The following PPARGC1A variants were observed in gnomAD, a reference collection of about 807,000 sequenced individuals.
PPARGC1A encodes the protein peroxisome proliferator-activated receptor gamma coactivator 1-alpha.
A neutral mutation model predicts 88.7 loss-of-function variants in PPARGC1A; 25 were observed. The ratio of observed to expected loss-of-function variants is 0.28; its 90% confidence interval spans 0.21 to 0.39. The LOEUF (loss-of-function observed/expected upper bound fraction) is 0.39, where lower values mean the gene tolerates loss of function less well. Ranked by LOEUF, PPARGC1A falls within the 10% of genes least tolerant of loss-of-function variation. PPARGC1A has a pLI of 1.00. For synonymous variants in PPARGC1A, 363 were observed against 355.6 expected (o/e 1.02, Z -0.24); for missense variants, 880 against 968.7 (o/e 0.91, Z 1.22).
At chr4:23,896,771 T>C (rs1269139624) in intron 1 of PPARGC1A, among the ~76,000 whole-genome samples, 1 of 152,146 alleles carries the variant, frequency 6.6e-6, no homozygotes, top group Non-Finnish European at 1.5e-5. Flanking sequence ...ATGGTATAAA[T>C]AAATAGGTAA....
chr4:24,196,909 C>T, the PPARGC1A span, among the ~76,000 whole-genome samples: 2 of 152,154 alleles, frequency 1.3e-5, no homozygotes, highest in African/African-American at 4.8e-5. Context: ...TCATTAATTG[C>T]TATAAATAGA....
the PPARGC1A span, among the ~76,000 whole-genome samples, chr4:23,923,895 T>C: frequency 6.6e-6 from 1 of 152,208 alleles, no homozygotes; most frequent in African/African-American, 2.4e-5. Context: ...AGCTATGTCA[T>C]TTTCCTTGAG....
At chr4:24,319,049 A>C in the PPARGC1A span, among the ~76,000 whole-genome samples, 1 of 152,198 alleles carries the variant, frequency 6.6e-6, no homozygotes, top group Non-Finnish European at 1.5e-5. Flanking sequence ...AGAAGAGATA[A>C]AAAATAAAGA....
At chr4:24,064,635 C>T in the PPARGC1A span, among the ~76,000 whole-genome samples, 1 of 152,050 alleles carries the variant, frequency 6.6e-6, no homozygotes, top group African/African-American at 2.4e-5. Context: ...ATTCTCCTCC[C>T]CCAGAAACCC....
At chr4:23,826,238 C>T (rs1003150320) in intron 5 of PPARGC1A, among the ~76,000 whole-genome samples, 5 of 152,082 alleles carry the variant, frequency 3.3e-5, no homozygotes, top group African/African-American at 9.7e-5. Flanking sequence ...ATACAGAATC[C>T]GATCCCTGAA....
intron 2 of PPARGC1A, among the ~76,000 whole-genome samples, chr4:23,849,746 T>C (rs1274682334): frequency 2.0e-5 from 3 of 152,144 alleles, no homozygotes; most frequent in Admixed American, 6.5e-5. Context: ...TTGAAGGTCA[T>C]AGTCTTGTTT....
At chr4:24,154,027 A>C in the PPARGC1A span, among the ~76,000 whole-genome samples, 2 of 152,238 alleles carry the variant, frequency 1.3e-5, no homozygotes, top group Non-Finnish European at 2.9e-5. Context: ...GACCATGGGC[A>C]AAGAAAAGGA....
the PPARGC1A span, among the ~76,000 whole-genome samples, chr4:24,376,864 G>T: frequency 6.6e-6 from 1 of 152,110 alleles, no homozygotes; most frequent in African/African-American, 2.4e-5. Flanking sequence ...CCCTTTCAAG[G>T]AAAATGACTA....
At chr4:23,895,970 GTGTGTGTGTGTATATATA>G (rs1040725979) in intron 1 of PPARGC1A, among the ~76,000 whole-genome samples, 4 of 48,846 alleles carry the variant, frequency 8.2e-5, no homozygotes, top group African/African-American at 4.4e-4. Flanking sequence ...GTGTGTGTGT[GTGTGTGTGTGTATATATA>G]TATACACACA....
chr4:24,216,332 G>GAGAC, the PPARGC1A span, among the ~76,000 whole-genome samples: 2 of 151,872 alleles, frequency 1.3e-5, no homozygotes, highest in Non-Finnish European at 2.9e-5. Context: ...ATTTTTAATA[G>GAGAC]AGACAGGGTT....
At chr4:24,382,094 T>C in the PPARGC1A span, among the ~76,000 whole-genome samples, 1 of 152,082 alleles carries the variant, frequency 6.6e-6, no homozygotes, top group Admixed American at 6.6e-5. Flanking sequence ...TAGGAGAAAA[T>C]GCTATATGAA....
chr4:23,806,007 G>A (rs1050062408), intron 10 of PPARGC1A, among the ~76,000 whole-genome samples: 6 of 152,024 alleles, frequency 3.9e-5, no homozygotes, highest in African/African-American at 1.4e-4. Flanking sequence ...TAAACCAGAG[G>A]ACCTTTTATA....
At chr4:24,314,776 T>C in the PPARGC1A span, among the ~76,000 whole-genome samples, 1 of 152,124 alleles carries the variant, frequency 6.6e-6, no homozygotes, top group Non-Finnish European at 1.5e-5. Context: ...CTTAACTTTA[T>C]TAAGTTGATT....
the PPARGC1A span, among the ~76,000 whole-genome samples, chr4:23,916,216 C>A: frequency 6.6e-6 from 1 of 152,152 alleles, no homozygotes; most frequent in Admixed American, 6.5e-5. Flanking sequence ...ACCCTTCATT[C>A]GTAAAACATG....
the PPARGC1A span, among the ~76,000 whole-genome samples, chr4:24,139,220 G>A: frequency 4.0e-5 from 6 of 151,168 alleles, no homozygotes; most frequent in African/African-American, 1.2e-4. Context: ...TGCAAGCTCC[G>A]CCTCCTGGGT....
Position 23,792,310 on chromosome 4 carries a change from C to G in PPARGC1A, c.*3512G>C, listed in dbSNP as rs1363682444. The G allele has an allele frequency of 6.6e-6, 1 of 152,572 alleles. No homozygotes were observed. Among genetic ancestry groups the G allele is most frequent in the Non-Finnish European group, 1.5e-5 (1 of 68,024 alleles). 9.5% of individuals were successfully genotyped at this position (152,572 alleles called of 1,614,324 possible). A position where few individuals can be genotyped will look rare whatever the true frequency, so the allele number is the denominator to read the frequency against. On this transcript the variant is annotated 3_prime_UTR_variant, in exon 13 of 13. Transcript: ENST00000264867. ...TGTCACATAGGTACAAATTTAGAAT[C>G]ATCACATTATAGTACATGGCTATTC...
intron 7 of PPARGC1A, among the ~76,000 whole-genome samples, chr4:23,822,160 A>G (rs1723121964): frequency 1.3e-5 from 2 of 152,156 alleles, no homozygotes; most frequent in Non-Finnish European, 2.9e-5. Context: ...CAAAAGATCC[A>G]GGAGGGAAAG....
At chr4:24,396,207 C>CCAGA in the PPARGC1A span, among the ~76,000 whole-genome samples, 6 of 152,108 alleles carry the variant, frequency 3.9e-5, no homozygotes, top group Non-Finnish European at 8.8e-5. Flanking sequence ...CCAACCTGCT[C>CCAGA]CAGAGCAGGT....
the PPARGC1A span, among the ~76,000 whole-genome samples, chr4:24,161,410 C>A: frequency 6.6e-6 from 1 of 152,090 alleles, no homozygotes; most frequent in Non-Finnish European, 1.5e-5. Context: ...TGAAGGAAGG[C>A]AGATTTGGAT....
Sources: allele counts gnomAD v4.1 joint callset (sites outside exome capture counted in the v4.1 genomes callset), GRCh38; gene constraint gnomAD v4.1.1; transcripts MANE v1.5; gene names NCBI Gene and HGNC (gene_info 2026-07-23, HGNC 2026-07-21).